Variants in KCNIP4 observed in about 807,000 individuals in gnomAD.
KCNIP4 encodes the protein Kv channel-interacting protein 4.
KCNIP4 carries 12 observed loss-of-function variants against 34.0 expected under a neutral mutation model. The ratio of observed to expected loss-of-function variants is 0.35; its 90% CI spans 0.23 to 0.57. The LOEUF (loss-of-function observed/expected upper bound fraction) is 0.57. Among genes scored for constraint, KCNIP4 ranks in the 20% least tolerant of loss-of-function variants. The pLI, the probability that KCNIP4 is intolerant of heterozygous loss-of-function variation, is 0.83. For synonymous variants in KCNIP4, 124 were observed against 102.2 expected (o/e 1.21, Z -1.29); for missense variants, 238 against 311.7 (o/e 0.76, Z 1.78).
At chr4:20,920,613 T>G (rs369402512) in intron 1 of KCNIP4, among the ~76,000 whole-genome samples, 1 of 152,138 alleles carries the variant, frequency 6.6e-6, no homozygotes, top group Non-Finnish European at 1.5e-5. Flanking sequence ...TTATGAGACA[T>G]GCACAGTACA....
intron 1 of KCNIP4, among the ~76,000 whole-genome samples, chr4:21,670,234 C>T (rs1425807506): frequency 2.6e-5 from 4 of 151,978 alleles, no homozygotes; most frequent in Non-Finnish European, 2.9e-5. Flanking sequence ...TAAAAACAAT[C>T]GCAGCCATAA....
chr4:20,985,511 C>T (rs1008913272), intron 1 of KCNIP4, among the ~76,000 whole-genome samples: 4 of 152,076 alleles, frequency 2.6e-5, no homozygotes, highest in Admixed American at 6.5e-5. Flanking sequence ...GGTTAACTGA[C>T]TTGCCAAGCA....
At chr4:21,409,561 T>G (rs915896576) in intron 1 of KCNIP4, among the ~76,000 whole-genome samples, 1 of 152,204 alleles carries the variant, frequency 6.6e-6, no homozygotes, top group South Asian at 2.1e-4. Flanking sequence ...AAAGAAAAAA[T>G]AATATGTTAT....
intron 1 of KCNIP4, among the ~76,000 whole-genome samples, chr4:21,717,546 T>G (rs1427850347): frequency 6.6e-6 from 1 of 152,124 alleles, no homozygotes; most frequent in Non-Finnish European, 1.5e-5. Flanking sequence ...AGACCATACC[T>G]CCCCAAAATA....
At chr4:21,831,271 C>T (rs1421043036) in intron 1 of KCNIP4, among the ~76,000 whole-genome samples, 1 of 151,020 alleles carries the variant, frequency 6.6e-6, no homozygotes, top group Non-Finnish European at 1.5e-5. Context: ...TCAAACTAAG[C>T]CCAAAGTTAA....
intron 1 of KCNIP4, among the ~76,000 whole-genome samples, chr4:21,334,549 C>A (rs1715978796): frequency 6.6e-6 from 1 of 151,998 alleles, no homozygotes. Context: ...AATTTACCCA[C>A]TTAAGTGTAC....
chr4:20,994,406 AAAAG>A (rs1462394113), intron 1 of KCNIP4, among the ~76,000 whole-genome samples: 1 of 152,208 alleles, frequency 6.6e-6, no homozygotes, highest in East Asian at 1.9e-4. Context: ...AACATACAGA[AAAAG>A]AACTTTGTCT....
intron 1 of KCNIP4, among the ~76,000 whole-genome samples, chr4:21,775,679 G>C (rs186623931): frequency 6.6e-6 from 1 of 152,150 alleles, no homozygotes; most frequent in African/African-American, 2.4e-5. Flanking sequence ...TGGAGATCCT[G>C]CAGAGAAGCC....
intron 1 of KCNIP4, among the ~76,000 whole-genome samples, chr4:21,062,723 G>C (rs1744032533): frequency 6.6e-6 from 1 of 152,128 alleles, no homozygotes; most frequent in Non-Finnish European, 1.5e-5. Context: ...ACTTCAGTCT[G>C]AAGGCCAGCA....
chr4:21,696,085 A>G (rs1218662177), intron 1 of KCNIP4, among the ~76,000 whole-genome samples: 1 of 152,142 alleles, frequency 6.6e-6, no homozygotes, highest in African/African-American at 2.4e-5. Context: ...CACAATTCAC[A>G]TTACCTAAAG....
intron 1 of KCNIP4, among the ~76,000 whole-genome samples, chr4:21,651,093 C>T (rs1747448269): frequency 7.5e-6 from 1 of 133,108 alleles, no homozygotes; most frequent in Admixed American, 7.5e-5. Context: ...TGAACATGAT[C>T]TCCTTTCTTT....
chr4:21,933,318 T>C (rs942759681), intron 1 of KCNIP4, among the ~76,000 whole-genome samples: 1 of 152,042 alleles, frequency 6.6e-6, no homozygotes, highest in African/African-American at 2.4e-5. Context: ...CTCTTAGCCA[T>C]CTGGACCTTA....
At chr4:20,730,413 T>C (rs760769831) in intron 8 of KCNIP4, among the ~76,000 whole-genome samples, 15 of 152,172 alleles carry the variant, frequency 9.9e-5, no homozygotes, top group Non-Finnish European at 2.1e-4. Flanking sequence ...TCTCAAATCA[T>C]AATGCCAAAA....
At chr4:21,827,495 G>C (rs1722742852) in intron 1 of KCNIP4, among the ~76,000 whole-genome samples, 1 of 151,950 alleles carries the variant, frequency 6.6e-6, no homozygotes. Context: ...AAGAATTTCA[G>C]AAAGGCCAAA....
intron 1 of KCNIP4, among the ~76,000 whole-genome samples, chr4:21,719,638 G>T (rs1456269612): frequency 6.6e-6 from 1 of 152,052 alleles, no homozygotes; most frequent in Non-Finnish European, 1.5e-5. Flanking sequence ...ATCAGCAGTG[G>T]CAAGAAGAAA....
At chr4:21,577,761 A>G (rs1268715951) in intron 1 of KCNIP4, among the ~76,000 whole-genome samples, 1 of 152,100 alleles carries the variant, frequency 6.6e-6, no homozygotes, top group East Asian at 1.9e-4. Flanking sequence ...TTGACCACCT[A>G]GTTAGCTCCT....
chr4:21,577,709 T>C (rs1170403486), intron 1 of KCNIP4, among the ~76,000 whole-genome samples: 1 of 152,080 alleles, frequency 6.6e-6, no homozygotes, highest in East Asian at 1.9e-4. Flanking sequence ...CTCTATGCCG[T>C]TGCACACTCT....
intron 1 of KCNIP4, among the ~76,000 whole-genome samples, chr4:21,252,756 CTTTTT>C (rs5856614): frequency 1.5e-5 from 2 of 132,268 alleles, no homozygotes; most frequent in Non-Finnish European, 1.6e-5. Context: ...GGCAAATCCT[CTTTTT>C]TTTTTTTTTT....
At chr4:21,396,549 C>CAAA (rs555585102) in intron 1 of KCNIP4, among the ~76,000 whole-genome samples, 834 of 52,778 alleles carry the variant, frequency 0.016, 39 homozygotes, top group African/African-American at 0.04. Flanking sequence ...AGCAAGACTC[C>CAAA]AAAAAAAAAA....
Sources: gnomAD v4.1 joint callset for allele counts (sites outside exome capture counted in the v4.1 genomes callset) on GRCh38, gnomAD v4.1.1 for gene constraint, MANE v1.5 for transcripts, NCBI Gene and HGNC (gene_info 2026-07-23, HGNC 2026-07-21) for gene names.